The following OTUB1 variants were observed in gnomAD, a reference collection of about 807,000 sequenced individuals.
OTUB1 encodes ubiquitin thioesterase OTUB1.
A neutral mutation model predicts 35.8 loss-of-function variants in OTUB1; 10 were observed. That is an observed-to-expected ratio of 0.28 (90% CI 0.17 to 0.47). The LOEUF is 0.47. Ranked by LOEUF, OTUB1 falls within the 20% of genes least tolerant of loss-of-function variation. OTUB1 has a pLI of 0.99. For missense variants in OTUB1, 264 were observed against 351.6 expected (o/e 0.75, Z 1.99); for synonymous variants, 158 against 143.8 (o/e 1.10, Z -0.71).
At chr11:63,992,978 G>T (rs780347353) in intron 3 of OTUB1, among the ~76,000 whole-genome samples, 7 of 152,206 alleles carry the variant, frequency 4.6e-5, no homozygotes, top group Admixed American at 6.6e-5. Flanking sequence ...GGGCCATCAC[G>T]CCAAGCCGAC....
chr11:63,997,576 G>T lies in OTUB1; in HGVS notation c.*30G>T. 1.3e-6 allele frequency: 2 copies of T among 1,585,182 alleles called. No homozygotes were observed. The highest frequency in any genetic ancestry group is 1.7e-6 in the Non-Finnish European group (2 of 1,155,098). On this transcript the variant is annotated 3_prime_UTR_variant, in exon 7 of 7. Coordinates refer to ENST00000538426, the MANE Select transcript of OTUB1 (RefSeq NM_017670.3). The stretch of plus-strand genomic sequence containing the variant: ...GGCTCCAGCCCGCTGCTGCCCTGCT[G>T]CCCCCCTCTGCCAGGCGCTAGACAT...
At chr11:63,991,433 C>T (rs1030084013) in intron 3 of OTUB1, among the ~76,000 whole-genome samples, 1 of 152,204 alleles carries the variant, frequency 6.6e-6, no homozygotes, top group Non-Finnish European at 1.5e-5. Context: ...GTTCTTCCCA[C>T]GGAGTCATCA....
intron 3 of OTUB1, among the ~76,000 whole-genome samples, chr11:63,995,019 G>GTA (rs1047860952): frequency 6.6e-6 from 1 of 151,898 alleles, no homozygotes; most frequent in African/African-American, 2.4e-5. Flanking sequence ...GATGATGGGG[G>GTA]TACTTCCTAG....
chr11:63,988,567 G>GC lies in OTUB1; in HGVS notation c.121-84dup, dbSNP rs1275243089. On this transcript the variant is annotated intron_variant, in intron 2 of 6. Coordinates refer to ENST00000538426, the MANE Select transcript of OTUB1 (RefSeq NM_017670.3). ...GGGTCGCTGTGCCACCGGGTGACCA[G>GC]CCCAGCTCTTTTGTAGTTATTCTGT... 1.4e-5 allele frequency: 18 copies of GC among 1,278,318 alleles called. No homozygotes were observed. The East Asian group carries it at 3.9e-4, about 28-fold the overall frequency. 79.2% of individuals were successfully genotyped at this position (1,278,318 alleles called of 1,614,324 possible).
intron 3 of OTUB1, among the ~76,000 whole-genome samples, chr11:63,993,000 T>G (rs975063960): frequency 6.6e-6 from 1 of 152,212 alleles, no homozygotes; most frequent in African/African-American, 2.4e-5. Flanking sequence ...CTGGCCATTC[T>G]CTTGCTGGGG....
rs766715570 is a variant in OTUB1 at position 63,996,736 on chromosome 11, C to T, written c.338+88C>T. 4 of 1,611,448 alleles carry T rather than the reference C, an allele frequency of 2.5e-6. No individual in the cohort carries two copies. The South Asian group carries it at 4.4e-5, about 18-fold the overall frequency. ...GGATGTGTCTCGAGTAGGGTGTCTC[C>T]CTCCTTCCCGGGCGATGGGCTGGAC... On this transcript the variant is annotated intron_variant, in intron 4 of 6. Coordinates refer to ENST00000538426, the MANE Select transcript of OTUB1 (RefSeq NM_017670.3).
rs1942743654 is a variant in OTUB1, at chr11:63,998,124, A to C, written c.*578A>C. ...CAGGTGGAGGAGCTGGGCCTCCCAC[A>C]GGGTGCCCGGGCAGTGCCATCCTGG... On this transcript the variant is annotated 3_prime_UTR_variant, in exon 7 of 7. Coordinates refer to ENST00000538426, the MANE Select transcript of OTUB1 (RefSeq NM_017670.3). The C allele has an allele frequency of 6.4e-6, 2 of 314,618 alleles. No individual in the cohort carries two copies. Among genetic ancestry groups the C allele is most frequent in the East Asian group, 7.6e-5 (1 of 13,202 alleles). The allele number at this position is 314,618 out of a possible 1,614,324, so 19.5% of individuals were successfully genotyped here. A position where few individuals can be genotyped will look rare whatever the true frequency, so the allele number is the denominator to read the frequency against.
Position 63,997,621 on chromosome 11 carries a change from G to C in OTUB1, c.*75G>C. Reference sequence around the variant, plus strand: ...AGACATGTACAGAGGTTTTTCTGTGGTTGTAAATGGTCCTATTTCACCCCC... The same window carrying C: ...AGACATGTACAGAGGTTTTTCTGTGCTTGTAAATGGTCCTATTTCACCCCC... On this transcript the variant is annotated 3_prime_UTR_variant, in exon 7 of 7. Transcript: ENST00000538426. 7.9e-7 allele frequency: 1 copy of C among 1,263,642 alleles called. No individual in the cohort carries two copies. The highest frequency in any genetic ancestry group is 1.7e-5 in the Admixed American group (1 of 59,006). The allele number at this position is 1,263,642 out of a possible 1,614,324, so 78.3% of individuals were successfully genotyped here.
rs1330084624 is a variant in OTUB1 at position 63,997,709 on chromosome 11, T to C, written c.*163T>C. 4.2e-6 allele frequency: 3 copies of C among 719,230 alleles called. No homozygotes were observed. Among genetic ancestry groups the C allele is most frequent in the Middle Eastern group, 2.4e-4 (1 of 4,228 alleles). 44.6% of individuals were successfully genotyped at this position (719,230 alleles called of 1,614,324 possible). A position where few individuals can be genotyped will look rare whatever the true frequency, so the allele number is the denominator to read the frequency against. On this transcript the variant is annotated 3_prime_UTR_variant, in exon 7 of 7. Coordinates refer to ENST00000538426, the MANE Select transcript of OTUB1 (RefSeq NM_017670.3). ...AAGGGGGTGCTGGTGGTGAGCCGTG[T>C]GTGCGTGTCCCTGCTCTGCTGCCCG... is the stretch of plus-strand genomic sequence containing the variant.
At chr11:63,996,973 A>G (rs766379104) in intron 5 of OTUB1, 32 bp downstream of exon 5, 1 of 1,613,430 alleles carries the variant, frequency 6.2e-7, no homozygotes, top group Non-Finnish European at 8.5e-7. Context: ...GGGCTGGGCC[A>G]TGGGGGAGGG....
intron 2 of OTUB1, 38 bp downstream of exon 2, chr11:63,988,436 C>T: frequency 6.5e-7 from 1 of 1,538,682 alleles, no homozygotes; most frequent in Non-Finnish European, 8.8e-7. Flanking sequence ...CAGTGGCCAG[C>T]AGCCCCATTG....
chr11:63,989,078 G>C (rs1053283614), intron 3 of OTUB1: 120 of 217,272 alleles, frequency 5.5e-4, no homozygotes, highest in Non-Finnish European at 6.0e-4. Flanking sequence ...CCAGCGCTTT[G>C]GGAGGCCGAG....
At chr11:63,989,715 G>A (rs1197757666) in intron 3 of OTUB1, 87 of 127,874 alleles carry the variant, frequency 6.8e-4, no homozygotes, top group African/African-American at 2.6e-3. Flanking sequence ...GACGGAGTAA[G>A]ACTCCGTCTC....
Position 63,997,376 on chromosome 11 carries a change from G to A in OTUB1, c.646G>A (p.Asp216Asn), listed in dbSNP as rs1030215946. ...GGTGGAGCCCATGTGCAAGGAGAGCGACCACATCCACATCATTGCGCTGGC... is the reference window on the plus strand; with the variant it reads ...GGTGGAGCCCATGTGCAAGGAGAGCAACCACATCCACATCATTGCGCTGGC... Reference protein sequence around the residue: ...QEVEPMCKESDHIHIIALAQA... With the variant: ...QEVEPMCKESNHIHIIALAQA... The change falls in exon 7 of 7, where the codon GAC (aspartate) becomes AAC (asparagine). Residue 216 changes from aspartate to asparagine, a missense_variant. Coordinates refer to ENST00000538426, the MANE Select transcript of OTUB1 (RefSeq NM_017670.3). 1 of 1,614,010 alleles carries A rather than the reference G, an allele frequency of 6.2e-7. No homozygotes were observed. The highest frequency in any genetic ancestry group is 8.5e-7 in the Non-Finnish European group (1 of 1,180,006).
rs71039699 is a variant in OTUB1 at position 63,993,661 on chromosome 11, C to CAA, written c.220-2852_220-2851dup. Among the ~76,000 whole-genome samples, 200 of 106,790 alleles carry CAA rather than the reference C, an allele frequency of 1.9e-3. 1 individual carries two copies. Among genetic ancestry groups the CAA allele is most frequent in the South Asian group, 2.4e-3 (8 of 3,284 alleles). 70.1% of individuals were successfully genotyped at this position (106,790 alleles called of 152,430 possible). A position where few individuals can be genotyped will look rare whatever the true frequency, so the allele number is the denominator to read the frequency against. On this transcript the variant is annotated intron_variant, in intron 3 of 6. Transcript: ENST00000538426. Reference sequence around the variant, plus strand: ...CCTGGACGACAGAGCGAGACTGTCTCAAAAAAAAAAAAAAAAAATTGCTTG... The same window carrying CAA: ...CCTGGACGACAGAGCGAGACTGTCTCAAAAAAAAAAAAAAAAAAAATTGCTTG...
rs1342960979 is a variant in OTUB1 at position 63,986,444 on chromosome 11, G to A, written c.-13G>A. On this transcript the variant is annotated 5_prime_UTR_variant, in exon 1 of 7. Transcript: ENST00000538426. ...CAACCCGGAAGCGGTCGGTAGTGCG[G>A]CGCTGTTTAAAGATGGCGGCGGAGG... 1.3e-6 allele frequency: 2 copies of A among 1,553,328 alleles called. No individual in the cohort carries two copies. Among genetic ancestry groups the A allele is most frequent in the African/African-American group, 1.4e-5 (1 of 73,220 alleles).
chr11:63,986,446 G>T lies in OTUB1; in HGVS notation c.-11G>T. ...ACCCGGAAGCGGTCGGTAGTGCGGC[G>T]CTGTTTAAAGATGGCGGCGGAGGAA... On this transcript the variant is annotated 5_prime_UTR_variant, in exon 1 of 7. Transcript: ENST00000538426. 1 of 1,553,524 alleles carries T rather than the reference G, an allele frequency of 6.4e-7. No individual in the cohort carries two copies. The highest frequency in any genetic ancestry group is 8.7e-7 in the Non-Finnish European group (1 of 1,148,502).
intron 2 of OTUB1, 62 bp downstream of exon 2, chr11:63,988,460 G>T: frequency 6.7e-7 from 1 of 1,481,852 alleles, no homozygotes. Flanking sequence ...AAATGCATAG[G>T]CTGGGCATGA....
intron 3 of OTUB1, among the ~76,000 whole-genome samples, chr11:63,992,494 G>C (rs547309697): frequency 1.3e-5 from 2 of 152,114 alleles, no homozygotes; most frequent in East Asian, 3.9e-4. Context: ...CGAGAGAAAG[G>C]ACTCTGAGGG....
Sources: gnomAD v4.1 joint callset for allele counts (sites outside exome capture counted in the v4.1 genomes callset) on GRCh38, gnomAD v4.1.1 for gene constraint, MANE v1.5 for transcripts, NCBI Gene and HGNC (gene_info 2026-07-23, HGNC 2026-07-21) for gene names.